The following TBC1D5 variants were observed in gnomAD, a reference collection of about 807,000 sequenced individuals.
TBC1D5 encodes the protein TBC1 domain family member 5.
Under a neutral mutation model 100.3 loss-of-function variants are expected in TBC1D5, and 75 were observed. That is an observed-to-expected ratio of 0.75 (90% CI 0.62 to 0.91). TBC1D5 has a LOEUF of 0.91. Among genes scored for constraint, TBC1D5 ranks in the 40% least tolerant of loss-of-function variants. TBC1D5 has a pLI of 0.00. For missense variants in TBC1D5, 910 were observed against 942.4 expected, an observed-to-expected ratio of 0.97 and a Z score of 0.45; for synonymous variants, 323 against 325.6, an observed-to-expected ratio of 0.99 and a Z score of 0.09.
chr3:17,537,217 G>A (rs2096291024), intron 2 of TBC1D5, among the ~76,000 whole-genome samples: 1 of 152,168 alleles, frequency 6.6e-6, no homozygotes, highest in Admixed American at 6.5e-5. Flanking sequence ...AGCTTGGAAA[G>A]TAAGCCACAT....
At chr3:17,464,424 T>C (rs1329540269) in intron 3 of TBC1D5, among the ~76,000 whole-genome samples, 2 of 152,188 alleles carry the variant, frequency 1.3e-5, no homozygotes, top group African/African-American at 2.4e-5. Context: ...GATTTCCTAT[T>C]TTATTCTCTC....
chr3:17,342,720 T>C (rs1261264032), intron 13 of TBC1D5, among the ~76,000 whole-genome samples: 1 of 152,198 alleles, frequency 6.6e-6, no homozygotes, highest in South Asian at 2.1e-4. Flanking sequence ...TTTTGGATTA[T>C]GCTTTTCCAA....
intron 13 of TBC1D5, among the ~76,000 whole-genome samples, chr3:17,350,579 TATGG>T (rs1186169547): frequency 1.3e-5 from 2 of 152,210 alleles, no homozygotes; most frequent in Non-Finnish European, 2.9e-5. Flanking sequence ...AGTAATGGCC[TATGG>T]ATGAAGAGAC....
At chr3:17,274,461 T>C (rs931309482) in intron 15 of TBC1D5, among the ~76,000 whole-genome samples, 1 of 152,208 alleles carries the variant, frequency 6.6e-6, no homozygotes, top group African/African-American at 2.4e-5. Flanking sequence ...ATAGCTGACA[T>C]TCTCATCAGT....
chr3:17,640,237 T>C (rs2064364940), intron 1 of TBC1D5, among the ~76,000 whole-genome samples: 1 of 152,174 alleles, frequency 6.6e-6, no homozygotes, highest in South Asian at 2.1e-4. Flanking sequence ...CCATTTGGTG[T>C]AGCTAAAGGA....
At chr3:17,507,761 T>G (rs1421139402) in intron 3 of TBC1D5, among the ~76,000 whole-genome samples, 1 of 152,186 alleles carries the variant, frequency 6.6e-6, no homozygotes, top group Non-Finnish European at 1.5e-5. Context: ...ATTAACTTTA[T>G]CAAATATTTA....
At chr3:17,639,067 T>C (rs1221159457) in intron 1 of TBC1D5, among the ~76,000 whole-genome samples, 1 of 152,128 alleles carries the variant, frequency 6.6e-6, no homozygotes, top group Non-Finnish European at 1.5e-5. Flanking sequence ...TGAGCACAAA[T>C]ATTCTTAGCA....
intron 2 of TBC1D5, among the ~76,000 whole-genome samples, chr3:17,523,977 A>AT (rs765988262): frequency 6.6e-6 from 1 of 152,184 alleles, no homozygotes; most frequent in Non-Finnish European, 1.5e-5. Flanking sequence ...GGGTGCAATG[A>AT]TTTTTTAAAA....
chr3:17,479,668 C>T (rs1201896179), intron 3 of TBC1D5, among the ~76,000 whole-genome samples: 1 of 152,118 alleles, frequency 6.6e-6, no homozygotes, highest in Admixed American at 6.5e-5. Flanking sequence ...GAGACCCCAT[C>T]TCTACAAAAA....
At chr3:17,658,482 G>T (rs1172834820) in intron 1 of TBC1D5, among the ~76,000 whole-genome samples, 2 of 152,094 alleles carry the variant, frequency 1.3e-5, no homozygotes, top group African/African-American at 4.8e-5. Context: ...TAGGGGAAGG[G>T]AAGGGTATTA....
intron 13 of TBC1D5, among the ~76,000 whole-genome samples, chr3:17,366,017 T>C (rs1184207292): frequency 6.6e-6 from 1 of 152,192 alleles, no homozygotes. Flanking sequence ...TGGCCAGGTG[T>C]GCTGGCTCAC....
intron 15 of TBC1D5, among the ~76,000 whole-genome samples, chr3:17,259,770 C>T (rs1038747889): frequency 1.3e-5 from 2 of 152,028 alleles, no homozygotes; most frequent in African/African-American, 2.4e-5. Flanking sequence ...ATTCATCAAG[C>T]GAACAAGCCG....
At chr3:17,545,790 A>G (rs950721813) in intron 2 of TBC1D5, among the ~76,000 whole-genome samples, 1 of 152,214 alleles carries the variant, frequency 6.6e-6, no homozygotes, top group Non-Finnish European at 1.5e-5. Flanking sequence ...TTTGCTTCCT[A>G]GTCCTTAGCA....
intron 1 of TBC1D5, among the ~76,000 whole-genome samples, chr3:17,707,867 C>G (rs1324437840): frequency 2.0e-5 from 3 of 152,094 alleles, no homozygotes; most frequent in Non-Finnish European, 4.4e-5. Flanking sequence ...AAAAATTCAT[C>G]AATGAGTGTA....
chr3:17,457,283 T>G (rs1352633250), intron 3 of TBC1D5, among the ~76,000 whole-genome samples: 1 of 152,200 alleles, frequency 6.6e-6, no homozygotes, highest in Non-Finnish European at 1.5e-5. Context: ...ATAATTCTTC[T>G]ACTCTTTTCT....
chr3:17,255,132 C>T (rs1234952127), intron 16 of TBC1D5, among the ~76,000 whole-genome samples: 2 of 152,084 alleles, frequency 1.3e-5, no homozygotes, highest in African/African-American at 2.4e-5. Context: ...GGGGTTGGGG[C>T]TGTTCCAATA....
At chr3:17,282,478 G>A (rs940165305) in intron 15 of TBC1D5, among the ~76,000 whole-genome samples, 3 of 152,158 alleles carry the variant, frequency 2.0e-5, no homozygotes, top group African/African-American at 7.2e-5. Flanking sequence ...GGAAAAGTTT[G>A]CTTAATGAGA....
intron 14 of TBC1D5, among the ~76,000 whole-genome samples, chr3:17,306,363 T>C (rs949747191): frequency 1.3e-5 from 2 of 152,236 alleles, no homozygotes; most frequent in African/African-American, 4.8e-5. Flanking sequence ...GATCTGTAAA[T>C]ACCTGACAAA....
At chr3:17,687,214 A>G (rs1449652545) in intron 1 of TBC1D5, among the ~76,000 whole-genome samples, 2 of 151,698 alleles carry the variant, frequency 1.3e-5, no homozygotes, top group Non-Finnish European at 2.9e-5. Context: ...AATATTAAAC[A>G]GTAAGTCTAC....
Sources: gnomAD v4.1 joint callset for allele counts (sites outside exome capture counted in the v4.1 genomes callset) on GRCh38, gnomAD v4.1.1 for gene constraint, MANE v1.5 for transcripts, NCBI Gene and HGNC (gene_info 2026-07-23, HGNC 2026-07-21) for gene names.